The following SRBD1 variants were observed in gnomAD, a reference collection of about 807,000 sequenced individuals.
SRBD1 encodes S1 RNA-binding domain-containing protein 1.
A neutral mutation model predicts 115.3 loss-of-function variants in SRBD1; 88 were observed. The observed-to-expected ratio is 0.76, with a 90% CI of 0.64 to 0.91. The LOEUF is 0.91. Among genes scored for constraint, SRBD1 ranks in the 40% least tolerant of loss-of-function variants. The pLI is 0.00. For missense variants in SRBD1, 1,385 were observed against 1,177.4 expected (o/e 1.18, Z -2.58); for synonymous variants, 509 against 407.7 (o/e 1.25, Z -2.99).
chr2:45,470,637 G>A (rs1447875723), intron 16 of SRBD1, among the ~76,000 whole-genome samples: 1 of 152,172 alleles, frequency 6.6e-6, no homozygotes, highest in African/African-American at 2.4e-5. Flanking sequence ...TGAGCTTTCA[G>A]GATATGACAA....
chr2:45,593,293 T>C (rs1315945027), intron 4 of SRBD1, among the ~76,000 whole-genome samples: 1 of 152,166 alleles, frequency 6.6e-6, no homozygotes. Context: ...AAAAGTAAAC[T>C]GCCCAAAATT....
intron 14 of SRBD1, among the ~76,000 whole-genome samples, chr2:45,536,201 T>C (rs1256024542): frequency 2.0e-5 from 3 of 152,004 alleles, no homozygotes; most frequent in Non-Finnish European, 4.4e-5. Flanking sequence ...TAGTTACTAG[T>C]AGACACCAAC....
intron 14 of SRBD1, among the ~76,000 whole-genome samples, chr2:45,498,759 G>A (rs1670538020): frequency 6.6e-6 from 1 of 152,124 alleles, no homozygotes; most frequent in South Asian, 2.1e-4. Flanking sequence ...GTCTTTCCAT[G>A]CCTGGCTTAT....
intron 14 of SRBD1, among the ~76,000 whole-genome samples, chr2:45,509,643 A>ACACACG (rs1670907080): frequency 2.7e-5 from 4 of 150,638 alleles, no homozygotes; most frequent in Admixed American, 6.6e-5. Flanking sequence ...ACACACACAC[A>ACACACG]CACGCAAAGA....
chr2:45,552,818 T>A (rs1377121905), intron 11 of SRBD1, among the ~76,000 whole-genome samples: 2 of 152,196 alleles, frequency 1.3e-5, no homozygotes, highest in African/African-American at 4.8e-5. Context: ...TAATAGTACC[T>A]GCTCACTCCC....
In SRBD1 at chr2:45,521,242, T is replaced by G. The variant is rs75644832; in HGVS notation, c.1874+25490A>C. Among the ~76,000 whole-genome samples the G allele has an allele frequency of 8.0e-5, 12 of 149,698 alleles. No homozygotes were observed. In the East Asian group the frequency reaches 1.8e-3, roughly 22 times the overall value. ...AAACACAGAGGGGGAAAGTGCCAGT[T>G]CCACAATATATAAGAACTCCTACAA... On this transcript the variant is annotated intron_variant, in intron 14 of 20. Coordinates refer to ENST00000263736, the MANE Select transcript of SRBD1 (RefSeq NM_018079.5).
At chr2:45,500,343 A>G (rs1482458170) in intron 14 of SRBD1, among the ~76,000 whole-genome samples, 1 of 150,678 alleles carries the variant, frequency 6.6e-6, no homozygotes, top group Non-Finnish European at 1.5e-5. Flanking sequence ...TATGGTGTGT[A>G]TATGTGTGTG....
At chr2:45,519,691 A>T (rs920416101) in intron 14 of SRBD1, among the ~76,000 whole-genome samples, 5 of 152,120 alleles carry the variant, frequency 3.3e-5, no homozygotes, top group Admixed American at 1.3e-4. Flanking sequence ...TGATTTTTTA[A>T]AAATTTTTGT....
intron 19 of SRBD1, among the ~76,000 whole-genome samples, chr2:45,412,470 A>G (rs1444514036): frequency 6.6e-6 from 1 of 152,200 alleles, no homozygotes; most frequent in Admixed American, 6.5e-5. Context: ...TAGATTCAAT[A>G]AAAGTTAAAA....
chr2:45,574,794 T>G (rs1673127780), intron 7 of SRBD1, 71 bp from the exon 8 acceptor site: 2 of 1,289,900 alleles, frequency 1.6e-6, no homozygotes, highest in Admixed American at 2.1e-5. Flanking sequence ...TATAACTAAA[T>G]CACAGTAAAT....
chr2:45,568,571 G>A (rs939823743), intron 9 of SRBD1, among the ~76,000 whole-genome samples: 1 of 152,138 alleles, frequency 6.6e-6, no homozygotes, highest in Non-Finnish European at 1.5e-5. Flanking sequence ...TCCCAGGCCT[G>A]AATACTGTCA....
chr2:45,602,280 C>T (rs79324138), intron 2 of SRBD1, among the ~76,000 whole-genome samples, 197 bp from the exon 3 acceptor site: 211 of 152,200 alleles, frequency 1.4e-3, no homozygotes, highest in Non-Finnish European at 2.5e-3. Context: ...ATAAAAATAC[C>T]GCAGTATGCT....
intron 16 of SRBD1, among the ~76,000 whole-genome samples, chr2:45,458,631 T>G (rs1289062562): frequency 6.6e-6 from 1 of 152,148 alleles, no homozygotes; most frequent in Non-Finnish European, 1.5e-5. Context: ...ACAAAATCTG[T>G]CCTGTTATCC....
At chr2:45,580,676 C>CTTTTTTTT in intron 6 of SRBD1, among the ~76,000 whole-genome samples, 1 of 76,350 alleles carries the variant, frequency 1.3e-5, no homozygotes, top group Non-Finnish European at 2.4e-5. Context: ...TCTTCTACTT[C>CTTTTTTTT]TTTTTTTTTT....
chr2:45,470,867 C>G (rs1375967685), intron 16 of SRBD1, among the ~76,000 whole-genome samples: 4 of 152,164 alleles, frequency 2.6e-5, no homozygotes, highest in Non-Finnish European at 5.9e-5. Context: ...TCACCTCTCC[C>G]CATCTCCTAA....
At chr2:45,509,632 C>CACAT (rs1055228504) in intron 14 of SRBD1, among the ~76,000 whole-genome samples, 1 of 151,340 alleles carries the variant, frequency 6.6e-6, no homozygotes, top group African/African-American at 2.4e-5. Flanking sequence ...CACACACACA[C>CACAT]ACACACACAC....
rs753375108 is a variant in SRBD1 at position 45,389,409 on chromosome 2, T to G, written c.2889A>C (p.Arg963Ser). The G allele has an allele frequency of 3.1e-6, 5 of 1,614,096 alleles. No individual in the cohort carries two copies. The highest frequency in any genetic ancestry group is 1.6e-4 in the Middle Eastern group (1 of 6,062). ...EAKLSKTKKR[R>S]SLGLGPGERV... ...TTTCTCCGGGGCCCAGTCCAAGGCT[T>G]CTTCTCTTCTTTGTTTTTGAAAGTT... Residue 963 changes from arginine to serine, a missense_variant, in exon 21 of 21, where the codon AGA becomes AGC. Arg to Ser is a moderately radical substitution (Grantham distance 110). Transcript: ENST00000263736.
intron 19 of SRBD1, among the ~76,000 whole-genome samples, chr2:45,398,344 C>T (rs954933410): frequency 6.6e-6 from 1 of 151,750 alleles, no homozygotes; most frequent in African/African-American, 2.4e-5. Context: ...TTTGGAGCAC[C>T]TCCTGCATAT....
At chr2:45,547,405 G>C in intron 13 of SRBD1, 117 bp downstream of exon 13, 2 of 844,918 alleles carry the variant, frequency 2.4e-6, no homozygotes, top group Non-Finnish European at 3.7e-6. Flanking sequence ...GTTTTATATG[G>C]TTTATTGTCT....
Sources: allele counts gnomAD v4.1 joint callset (sites outside exome capture counted in the v4.1 genomes callset), GRCh38; gene constraint gnomAD v4.1.1; transcripts MANE v1.5; gene names NCBI Gene and HGNC (gene_info 2026-07-23, HGNC 2026-07-21).